Variants in CFAP54 observed in about 807,000 individuals in gnomAD.
The protein encoded by CFAP54 is cilia- and flagella-associated protein 54.
Under a neutral mutation model 370.4 loss-of-function variants are expected in CFAP54, and 290 were observed. The ratio of observed to expected loss-of-function variants is 0.78; its 90% CI spans 0.71 to 0.86. The LOEUF (loss-of-function observed/expected upper bound fraction) is 0.86, where lower values mean the gene tolerates loss of function less well. CFAP54 is among the 40% of genes least tolerant of loss of function. The pLI is 0.00. For synonymous variants in CFAP54, 1,206 were observed against 1,236.5 expected, an observed-to-expected ratio of 0.98 and a Z score of 0.52; for missense variants, 3,399 against 3,528.7, an observed-to-expected ratio of 0.96 and a Z score of 0.93.
At chr12:96,621,752 T>TA (rs1956492593) in intron 27 of CFAP54, 31 bp downstream of exon 27, 2 of 1,496,144 alleles carry the variant, frequency 1.3e-6, no homozygotes, top group East Asian at 5.0e-5. Flanking sequence ...TTTTTAAACC[T>TA]ACGTTTAGTT....
chr12:96,683,650 A>G lies in CFAP54; in HGVS notation c.5717-998A>G, dbSNP rs559969313. ...AAGAGATGCCCCCATTGTGACATCT[A>G]GCAAAACCCTTTCTCACATTTCTAA... is the stretch of plus-strand genomic sequence containing the variant. On this transcript the variant is annotated intron_variant, in intron 40 of 67. Transcript: ENST00000524981. 6.6e-5 allele frequency among the ~76,000 whole-genome samples: 10 copies of G among 152,334 alleles called. No homozygotes were observed. The South Asian group carries it at 2.1e-3, about 32-fold the overall frequency.
rs1048027065 is a variant in CFAP54, at chr12:96,728,954, T to C, written c.6965+8389T>C. Reference sequence around the variant, plus strand: ...TGCTAGAGGTCCACTCCAGACCCTGTTTGCCTGGGTATCAGCAGCGGTGTC... The same window carrying C: ...TGCTAGAGGTCCACTCCAGACCCTGCTTGCCTGGGTATCAGCAGCGGTGTC... On this transcript the variant is annotated intron_variant, in intron 50 of 67. Transcript: ENST00000524981. Among the ~76,000 whole-genome samples, 32 of 152,224 alleles carry C rather than the reference T, an allele frequency of 2.1e-4. 1 individual carries two copies. Among genetic ancestry groups the C allele is most frequent in the Non-Finnish European group, 3.5e-4 (24 of 68,046 alleles).
intron 50 of CFAP54, among the ~76,000 whole-genome samples, chr12:96,732,752 G>A (rs1322155598): frequency 1.3e-5 from 2 of 152,228 alleles, no homozygotes; most frequent in East Asian, 1.9e-4. Flanking sequence ...TATCTTTAAG[G>A]ACACATGGTA....
intron 19 of CFAP54, chr12:96,565,134 C>T (rs1001313315): frequency 1.3e-5 from 2 of 154,160 alleles, no homozygotes; most frequent in African/African-American, 4.8e-5. Context: ...TAGATAGATA[C>T]TGCTAATTTA....
chr12:96,847,162 C>T (rs1959382193), intron 66 of CFAP54, among the ~76,000 whole-genome samples: 1 of 152,140 alleles, frequency 6.6e-6, no homozygotes, highest in African/African-American at 2.4e-5. Flanking sequence ...ATAAAGGATA[C>T]AGGAACCCCA....
chr12:96,615,312 T>C (rs1166717864), intron 26 of CFAP54, among the ~76,000 whole-genome samples: 3 of 152,200 alleles, frequency 2.0e-5, no homozygotes, highest in East Asian at 3.8e-4. Context: ...TAGCCATATG[T>C]AGAAAGCTGA....
chr12:96,875,471 A>G lies in CFAP54; in HGVS notation c.*368A>G, dbSNP rs1400626940. 1.3e-5 allele frequency: 2 copies of G among 152,064 alleles called. No homozygotes were observed. The highest frequency in any genetic ancestry group is 1.9e-4 in the East Asian group (1 of 5,188). 9.4% of individuals were successfully genotyped at this position (152,064 alleles called of 1,614,324 possible). A position where few individuals can be genotyped will look rare whatever the true frequency, so the allele number is the denominator to read the frequency against. On this transcript the variant is annotated 3_prime_UTR_variant, in exon 68 of 68. Transcript: ENST00000524981. ...GTCCAGCTTATCTATTTCTTTATCA[A>G]GTTGCTTTGGCTTCCCCACTCTCTC...
chr12:96,860,764 T>C, intron 66 of CFAP54, 55 bp from the exon 67 acceptor site: 1 of 1,452,728 alleles, frequency 6.9e-7, no homozygotes, highest in Non-Finnish European at 9.0e-7. Flanking sequence ...TTTTGAGAAC[T>C]TTGTCAACAG....
intron 63 of CFAP54, 25 bp from the exon 64 acceptor site, chr12:96,811,711 T>C: frequency 8.1e-7 from 1 of 1,239,544 alleles, no homozygotes; most frequent in Non-Finnish European, 1.1e-6. Flanking sequence ...TGTCACATTT[T>C]ATACCCCTTT....
chr12:96,870,030 G>A (rs780118190), intron 67 of CFAP54, among the ~76,000 whole-genome samples: 11 of 151,392 alleles, frequency 7.3e-5, no homozygotes, highest in Admixed American at 4.0e-4. Flanking sequence ...TTTGGATGCC[G>A]AGGTGGGCGG....
chr12:96,829,364 G>T (rs1013655747), intron 66 of CFAP54, among the ~76,000 whole-genome samples: 1 of 152,028 alleles, frequency 6.6e-6, no homozygotes, highest in South Asian at 2.1e-4. Context: ...TTAATATTTA[G>T]AGTATATCTA....
At chr12:96,600,686 T>TTCACATCCCTTGTAAG (rs1372352943) in intron 26 of CFAP54, among the ~76,000 whole-genome samples, 1 of 149,272 alleles carries the variant, frequency 6.7e-6, no homozygotes, top group Non-Finnish European at 1.5e-5. Flanking sequence ...GTAGTTGTCC[T>TTCACATCCCTTGTAAG]TTGGATTCCT....
In CFAP54 at chr12:96,691,074, A is replaced by G. The variant is rs1957382488; in HGVS notation, c.6082-54A>G. The stretch of plus-strand genomic sequence containing the variant: ...TACATGTATTTATCTTTTTTGTTTC[A>G]TTATTGAAAATGCTATCTATAGCTC... On this transcript the variant is annotated intron_variant, in intron 43 of 67. Transcript: ENST00000524981. 7 of 1,498,700 alleles carry G rather than the reference A, an allele frequency of 4.7e-6. No individual in the cohort carries two copies. The Admixed American group carries it at 5.7e-5, about 12-fold the overall frequency. The allele number at this position is 1,498,700 out of a possible 1,614,324, so 92.8% of individuals were successfully genotyped here. A position where few individuals can be genotyped will look rare whatever the true frequency, so the allele number is the denominator to read the frequency against.
intron 50 of CFAP54, among the ~76,000 whole-genome samples, chr12:96,723,744 T>C (rs906142399): frequency 6.6e-6 from 1 of 151,340 alleles, no homozygotes; most frequent in African/African-American, 2.4e-5. Flanking sequence ...TAGTTACATA[T>C]GTATACATGT....
At chr12:96,760,843 T>G (rs1275092993) in intron 58 of CFAP54, among the ~76,000 whole-genome samples, 3 of 152,252 alleles carry the variant, frequency 2.0e-5, no homozygotes, top group African/African-American at 7.2e-5. Flanking sequence ...ATGCCACTTT[T>G]TTTTTCTTTA....
chr12:96,850,216 T>TAAAA (rs35493066), intron 66 of CFAP54, among the ~76,000 whole-genome samples: 1 of 101,140 alleles, frequency 9.9e-6, no homozygotes, highest in Non-Finnish European at 2.0e-5. Context: ...CTGTCTCTAC[T>TAAAA]AAAAAAAAAA....
intron 38 of CFAP54, among the ~76,000 whole-genome samples, chr12:96,663,535 A>G (rs1371446171): frequency 6.6e-6 from 1 of 152,228 alleles, no homozygotes; most frequent in Admixed American, 6.5e-5. Flanking sequence ...ATATAATGGA[A>G]GATATATTTA....
chr12:96,623,828 T>G lies in CFAP54; in HGVS notation c.3833T>G (p.Ile1278Arg). 6.5e-7 allele frequency: 1 copy of G among 1,535,886 alleles called. No homozygotes were observed. Among genetic ancestry groups the G allele is most frequent in the Non-Finnish European group, 8.7e-7 (1 of 1,146,764 alleles). Residue 1278 changes from isoleucine (I) to arginine (R), a missense_variant, in exon 28 of 68, where the codon ATA (isoleucine) becomes AGA (arginine). Around this residue, in one of 3 missense-constraint regions of CFAP54, gnomAD observed 2,796 missense variants for 2,869.7 expected, o/e 0.97. Transcript: ENST00000524981. ...CAGCAGATACTACTGCCTGAAAAGA[T>G]AAATGAACAGCTGGCCTTGTTGGAG... ...KPQQILLPEKINEQLALLETH... is the reference protein window; with the variant it reads ...KPQQILLPEKRNEQLALLETH...
At chr12:96,766,416 C>T (rs1958402330) in intron 60 of CFAP54, among the ~76,000 whole-genome samples, 1 of 152,108 alleles carries the variant, frequency 6.6e-6, no homozygotes, top group South Asian at 2.1e-4. Context: ...GCCATTGACC[C>T]TACACAGGGC....
Sources: gnomAD v4.1 joint callset for allele counts (sites outside exome capture counted in the v4.1 genomes callset) on GRCh38, gnomAD v4.1.1 for gene constraint, gnomAD v4.1.1 regional missense constraint, MANE v1.5 for transcripts, NCBI Gene and HGNC (gene_info 2026-07-23, HGNC 2026-07-21) for gene names.